The following SMIM31 variants were observed in gnomAD, a reference collection of about 807,000 sequenced individuals.
The protein encoded by SMIM31 is small integral membrane protein 31.
At position 164,762,635 on chromosome 4, in the gene SMIM31, T is replaced by G. The variant is rs28581986; in HGVS notation, c.-25-7784T>G. ...CCAAGATCGCACCACTGCACTCCAG[T>G]CTGGGCAACAGAGTAAGACTCTGTC... is the stretch of plus-strand genomic sequence containing the variant. On this transcript the variant is annotated intron_variant, in intron 1 of 2. Coordinates refer to ENST00000507311, the MANE Select transcript of SMIM31 (RefSeq NM_001352885.1). Among the ~76,000 whole-genome samples the G allele has an allele frequency of 2.2e-5, 3 of 139,302 alleles. No homozygotes were observed. In the Admixed American group the frequency reaches 2.2e-4, roughly 10 times the overall value. 91.4% of individuals were successfully genotyped at this position (139,302 alleles called of 152,430 possible). A position where few individuals can be genotyped will look rare whatever the true frequency, so the allele number is the denominator to read the frequency against.
At position 164,778,438 on chromosome 4, in the gene SMIM31, G is replaced by A. The variant is rs758027100; in HGVS notation, c.112+7883G>A. Among the ~76,000 whole-genome samples, 12 of 152,162 alleles carry A rather than the reference G, an allele frequency of 7.9e-5. 1 individual carries two copies. In the East Asian group the frequency reaches 1.9e-3, roughly 24 times the overall value. On this transcript the variant is annotated intron_variant, in intron 2 of 2. Transcript: ENST00000507311. ...TAATAATATACAAAATGATTTGATA[G>A]TACCAGCACACATTTAGGGAGTTAT...
At chr4:164,763,660 G>T (rs1579061246) in intron 1 of SMIM31, among the ~76,000 whole-genome samples, 1 of 152,128 alleles carries the variant, frequency 6.6e-6, no homozygotes, top group South Asian at 2.1e-4. Context: ...CTGAAAATCA[G>T]TCTCCTAAGC....
chr4:164,782,725 T>A (rs1732971604), intron 2 of SMIM31, among the ~76,000 whole-genome samples: 1 of 146,786 alleles, frequency 6.8e-6, no homozygotes, highest in Admixed American at 6.7e-5. Flanking sequence ...GTTCTGAATT[T>A]TCACATCAAA....
At chr4:164,764,923 T>C (rs907462875) in intron 1 of SMIM31, among the ~76,000 whole-genome samples, 3 of 152,222 alleles carry the variant, frequency 2.0e-5, no homozygotes, top group African/African-American at 7.2e-5. Context: ...AGAGCAGGGT[T>C]ATCCAGAGAT....
Position 164,802,246 on chromosome 4 carries a change from CAA to C in SMIM31, c.*1054_*1055del, listed in dbSNP as rs1219666734. The C allele has an allele frequency of 6.6e-6, 1 of 152,142 alleles. No homozygotes were observed. The highest frequency in any genetic ancestry group is 1.9e-4 in the East Asian group (1 of 5,164). 9.4% of individuals were successfully genotyped at this position (152,142 alleles called of 1,614,324 possible). A position where few individuals can be genotyped will look rare whatever the true frequency, so the allele number is the denominator to read the frequency against. ...AGACTCTGTCTCAAAAGAAAAAAAA[CAA>C]AGAGAGAGAGAGGGTCTCGCTTTGT... On this transcript the variant is annotated 3_prime_UTR_variant, in exon 3 of 3. Coordinates refer to ENST00000507311, the MANE Select transcript of SMIM31 (RefSeq NM_001352885.1).
intron 2 of SMIM31, among the ~76,000 whole-genome samples, chr4:164,784,944 C>A (rs1303303451): frequency 2.0e-5 from 3 of 149,522 alleles, no homozygotes; most frequent in African/African-American, 7.5e-5. Context: ...TCTTGTAAAG[C>A]CGGGCGCGGT....
At position 164,802,207 on chromosome 4, in the gene SMIM31, T is replaced by G. The variant is rs1163782149; in HGVS notation, c.*1013T>G. 2 of 152,134 alleles carry G rather than the reference T, an allele frequency of 1.3e-5. No individual in the cohort carries two copies. The highest frequency in any genetic ancestry group is 3.9e-4 in the East Asian group (2 of 5,188). 9.4% of individuals were successfully genotyped at this position (152,134 alleles called of 1,614,324 possible). A position where few individuals can be genotyped will look rare whatever the true frequency, so the allele number is the denominator to read the frequency against. On this transcript the variant is annotated 3_prime_UTR_variant, in exon 3 of 3. Coordinates refer to ENST00000507311, the MANE Select transcript of SMIM31 (RefSeq NM_001352885.1). Reference sequence around the variant, plus strand: ...GAGATCATGCCACTGCACTCCAGCCTGGGCGACAGAGCAAGACTCTGTCTC... The same window carrying G: ...GAGATCATGCCACTGCACTCCAGCCGGGGCGACAGAGCAAGACTCTGTCTC...
At position 164,754,236 on chromosome 4, in the gene SMIM31, G is replaced by A. The variant is rs145705298; in HGVS notation, c.-201G>A. The A allele has an allele frequency of 6.6e-6, 1 of 152,244 alleles. No individual in the cohort carries two copies. Among genetic ancestry groups the A allele is most frequent in the African/African-American group, 2.4e-5 (1 of 41,532 alleles). The allele number at this position is 152,244 out of a possible 1,614,324, so 9.4% of individuals were successfully genotyped here. On this transcript the variant is annotated 5_prime_UTR_variant, in exon 1 of 3. Coordinates refer to ENST00000507311, the MANE Select transcript of SMIM31 (RefSeq NM_001352885.1). ...TCCAGCTAAGACATTAGTAAGCCTTGGTTAGTGAAGTGGCATCAGGAAGTG... is the reference window on the plus strand; with the variant it reads ...TCCAGCTAAGACATTAGTAAGCCTTAGTTAGTGAAGTGGCATCAGGAAGTG...
intron 1 of SMIM31, among the ~76,000 whole-genome samples, chr4:164,756,945 T>C (rs1420715620): frequency 6.6e-6 from 1 of 152,184 alleles, no homozygotes; most frequent in Non-Finnish European, 1.5e-5. Flanking sequence ...TACCCAGAAG[T>C]GGAACTTCTA....
chr4:164,758,046 A>C (rs1732589689), intron 1 of SMIM31, among the ~76,000 whole-genome samples: 1 of 151,954 alleles, frequency 6.6e-6, no homozygotes, highest in Admixed American at 6.6e-5. Flanking sequence ...TATATCTCTC[A>C]ATTTATTTAG....
At chr4:164,768,079 C>A (rs1732743385) in intron 1 of SMIM31, among the ~76,000 whole-genome samples, 1 of 148,228 alleles carries the variant, frequency 6.7e-6, no homozygotes, top group Non-Finnish European at 1.5e-5. Flanking sequence ...CAAAAAAAAT[C>A]AAAAAATTCG....
chr4:164,791,932 T>C (rs1014812323), intron 2 of SMIM31, among the ~76,000 whole-genome samples: 2 of 152,196 alleles, frequency 1.3e-5, no homozygotes, highest in Non-Finnish European at 2.9e-5. Flanking sequence ...CTCGCACTTA[T>C]AGGTGAGAAC....
chr4:164,755,196 A>G (rs1290392705), intron 1 of SMIM31, among the ~76,000 whole-genome samples: 1 of 151,504 alleles, frequency 6.6e-6, no homozygotes, highest in East Asian at 2.0e-4. Context: ...ATCCACAGCC[A>G]CAGCCAGGCA....
At chr4:164,782,980 G>C (rs182982378) in intron 2 of SMIM31, among the ~76,000 whole-genome samples, 56 of 152,218 alleles carry the variant, frequency 3.7e-4, no homozygotes, top group African/African-American at 1.3e-3. Context: ...AGCACGTTGG[G>C]TGGCCGAGGT....
At chr4:164,787,591 G>A (rs760924086) in intron 2 of SMIM31, among the ~76,000 whole-genome samples, 1 of 146,016 alleles carries the variant, frequency 6.8e-6, no homozygotes. Flanking sequence ...GAGTAGGCCC[G>A]CTGTTCTCCG....
Position 164,772,585 on chromosome 4 carries a change from A to T in SMIM31, c.112+2030A>T, listed in dbSNP as rs922425196. On this transcript the variant is annotated intron_variant, in intron 2 of 2. Coordinates refer to ENST00000507311, the MANE Select transcript of SMIM31 (RefSeq NM_001352885.1). ...GTTTTATTTTTTTTATTTTTATTTTATTTTTTTTTTTGAGACGGAGTCTCG... is the reference window on the plus strand; with the variant it reads ...GTTTTATTTTTTTTATTTTTATTTTTTTTTTTTTTTTGAGACGGAGTCTCG... Among the ~76,000 whole-genome samples the T allele has an allele frequency of 1.7e-3, 245 of 142,778 alleles. 1 individual carries two copies. Among genetic ancestry groups the T allele is most frequent in the Admixed American group, 4.1e-3 (60 of 14,520 alleles). The allele number at this position is 142,778 out of a possible 152,430, so 93.7% of individuals were successfully genotyped here.
intron 2 of SMIM31, among the ~76,000 whole-genome samples, chr4:164,797,811 G>T (rs1489312971): frequency 6.6e-6 from 1 of 151,886 alleles, no homozygotes; most frequent in Non-Finnish European, 1.5e-5. Context: ...GTGAAATCTG[G>T]GCTTTTAGTG....
intron 1 of SMIM31, among the ~76,000 whole-genome samples, chr4:164,754,960 A>G (rs1005235574): frequency 2.6e-5 from 4 of 151,272 alleles, no homozygotes; most frequent in Non-Finnish European, 4.4e-5. Flanking sequence ...CATCAGATTT[A>G]TGTTATTAAA....
At chr4:164,784,240 G>A (rs189216199) in intron 2 of SMIM31, among the ~76,000 whole-genome samples, 80 of 152,304 alleles carry the variant, frequency 5.3e-4, no homozygotes, top group Admixed American at 4.8e-3. Flanking sequence ...GACAAAAGAC[G>A]TTCCAAGCTT....
Sources: allele counts gnomAD v4.1 joint callset (sites outside exome capture counted in the v4.1 genomes callset), GRCh38; gene constraint gnomAD v4.1.1; transcripts MANE v1.5; gene names NCBI Gene and HGNC (gene_info 2026-07-23, HGNC 2026-07-21).